Variants in LMCD1 observed in about 807,000 individuals in gnomAD.
LMCD1 encodes the protein LIM and cysteine-rich domains protein 1.
In LMCD1, 32 loss-of-function variants were observed where a neutral mutation model predicts 42.7. The ratio of observed to expected loss-of-function variants is 0.75; its 90% CI spans 0.57 to 1.01. The LOEUF is 1.01. Among genes scored for constraint, LMCD1 ranks in the 50% least tolerant of loss-of-function variants. LMCD1 has a pLI of 0.00. For synonymous variants in LMCD1, 178 were observed against 184.9 expected (o/e 0.96, Z 0.30); for missense variants, 458 against 483.1 (o/e 0.95, Z 0.49).
intron 4 of LMCD1, among the ~76,000 whole-genome samples, chr3:8,555,555 T>C (rs1277348097): frequency 6.6e-6 from 1 of 152,166 alleles, no homozygotes; most frequent in Non-Finnish European, 1.5e-5. Context: ...TCACTATGGT[T>C]ACCAGCTTCT....
At chr3:8,517,336 C>T (rs1694119337) in intron 1 of LMCD1, among the ~76,000 whole-genome samples, 1 of 152,174 alleles carries the variant, frequency 6.6e-6, no homozygotes, top group African/African-American at 2.4e-5. Context: ...ATAACAATTT[C>T]AGGTTAAGGC....
intron 1 of LMCD1, among the ~76,000 whole-genome samples, chr3:8,531,432 G>C (rs1334426184): frequency 6.6e-6 from 1 of 152,056 alleles, no homozygotes; most frequent in African/African-American, 2.4e-5. Context: ...TCTAAAATCT[G>C]TGGCAAAATA....
At chr3:8,540,926 G>C (rs900045425) in intron 3 of LMCD1, among the ~76,000 whole-genome samples, 5 of 152,160 alleles carry the variant, frequency 3.3e-5, no homozygotes, top group African/African-American at 1.2e-4. Context: ...TTATCAGTCA[G>C]AGTACTGTTT....
rs375410779 is a variant in LMCD1, at chr3:8,507,145, A to G, written c.42+5165A>G. ...TTTTGCAGGACTCCTTCAAGAGCAC[A>G]ACATTTCCTTAAATCCACGTGGAAC... On this transcript the variant is annotated intron_variant, in intron 1 of 5. Coordinates refer to ENST00000157600, the MANE Select transcript of LMCD1 (RefSeq NM_014583.4). 3.0e-4 allele frequency among the ~76,000 whole-genome samples: 46 copies of G among 152,334 alleles called. 1 individual carries two copies. In the East Asian group the frequency reaches 7.1e-3, roughly 24 times the overall value.
chr3:8,512,539 G>C (rs962947675), intron 1 of LMCD1, among the ~76,000 whole-genome samples: 1 of 152,176 alleles, frequency 6.6e-6, no homozygotes, highest in Non-Finnish European at 1.5e-5. Context: ...AAAGGGCAAG[G>C]TTTGATGGAA....
chr3:8,535,944 C>G (rs1169982432), intron 2 of LMCD1, among the ~76,000 whole-genome samples: 1 of 152,224 alleles, frequency 6.6e-6, no homozygotes, highest in Admixed American at 6.5e-5. Context: ...TCCTCTACCC[C>G]ACTGGGACAA....
intron 1 of LMCD1, among the ~76,000 whole-genome samples, chr3:8,525,412 GT>G (rs1694281510): frequency 6.6e-6 from 1 of 152,082 alleles, no homozygotes; most frequent in South Asian, 2.1e-4. Context: ...GTGTGTGTGT[GT>G]TTGTGTGTGT....
At chr3:8,554,442 G>A (rs191954402) in intron 4 of LMCD1, among the ~76,000 whole-genome samples, 108 of 152,274 alleles carry the variant, frequency 7.1e-4, no homozygotes, top group African/African-American at 2.2e-3. Flanking sequence ...CGTGTATGGG[G>A]TAGCTTGCAG....
intron 1 of LMCD1, among the ~76,000 whole-genome samples, chr3:8,508,230 A>C (rs1693920945): frequency 6.6e-6 from 1 of 152,200 alleles, no homozygotes; most frequent in Non-Finnish European, 1.5e-5. Flanking sequence ...CCTGGGGATA[A>C]GGTTGGCCTT....
chr3:8,531,376 A>C (rs976635887), intron 1 of LMCD1, among the ~76,000 whole-genome samples: 4 of 152,218 alleles, frequency 2.6e-5, no homozygotes, highest in Non-Finnish European at 5.9e-5. Flanking sequence ...CTGCTCTAAT[A>C]AACTCATATT....
At chr3:8,549,772 T>C in intron 4 of LMCD1, 1 of 701,400 alleles carries the variant, frequency 1.4e-6, no homozygotes, top group East Asian at 2.7e-5. Context: ...GGTGAGGGAC[T>C]TCTTCCTGGT....
intron 3 of LMCD1, among the ~76,000 whole-genome samples, chr3:8,544,154 T>A (rs1360035223): frequency 6.6e-6 from 1 of 152,140 alleles, no homozygotes; most frequent in African/African-American, 2.4e-5. Flanking sequence ...TCTCTCTTGG[T>A]TATGGTGACC....
rs1694785923 is a variant in LMCD1, at chr3:8,548,790, C to A, written c.610C>A (p.Gln204Lys). ...LGVGEVALPG[Q>K]GGLPKEEGKQ... ...CGTGGGAGAAGTGGCCCTCCCGGGG[C>A]AGGGTGGCTTGCCCAAGGAGGAGGG... The change falls in exon 4 of 6, where the codon CAG becomes AAG. Residue 204 changes from glutamine to lysine, a missense_variant. Coordinates refer to ENST00000157600, the MANE Select transcript of LMCD1 (RefSeq NM_014583.4). 2 of 1,610,560 alleles carry A rather than the reference C, an allele frequency of 1.2e-6. No homozygotes were observed. Among genetic ancestry groups the A allele is most frequent in the East Asian group, 4.5e-5 (2 of 44,792 alleles).
Position 8,542,610 on chromosome 3 carries a change from C to T in LMCD1, c.387+5170C>T, listed in dbSNP as rs938236690. On this transcript the variant is annotated intron_variant, in intron 3 of 5. Coordinates refer to ENST00000157600, the MANE Select transcript of LMCD1 (RefSeq NM_014583.4). The stretch of plus-strand genomic sequence containing the variant: ...CTGTTACCACTTGATGCTTACCCAG[C>T]CCGCTCACTCTGAAATGATGACAAA... Among the ~76,000 whole-genome samples, 5 of 152,330 alleles carry T rather than the reference C, an allele frequency of 3.3e-5. No homozygotes were observed. In the South Asian group the frequency reaches 8.3e-4, roughly 25 times the overall value.
intron 1 of LMCD1, among the ~76,000 whole-genome samples, chr3:8,510,733 A>G (rs1047871624): frequency 6.6e-6 from 1 of 152,220 alleles, no homozygotes; most frequent in Non-Finnish European, 1.5e-5. Context: ...TCATTAACTT[A>G]GTAAAGGCAC....
At chr3:8,525,703 A>C (rs1694286129) in intron 1 of LMCD1, among the ~76,000 whole-genome samples, 1 of 152,188 alleles carries the variant, frequency 6.6e-6, no homozygotes, top group Non-Finnish European at 1.5e-5. Context: ...AAGGTCCAGG[A>C]AGGGAGATTA....
chr3:8,527,610 C>A (rs567495490), intron 1 of LMCD1, among the ~76,000 whole-genome samples: 2 of 152,256 alleles, frequency 1.3e-5, no homozygotes, highest in African/African-American at 4.8e-5. Context: ...TTTTAAATAA[C>A]AAGTCATGTT....
At chr3:8,512,040 C>T (rs1004953922) in intron 1 of LMCD1, among the ~76,000 whole-genome samples, 13 of 152,328 alleles carry the variant, frequency 8.5e-5, no homozygotes, top group South Asian at 2.1e-4. Context: ...CACACATATA[C>T]GTCCGTGAGA....
chr3:8,524,140 G>A (rs939876897), intron 1 of LMCD1, among the ~76,000 whole-genome samples: 21 of 150,678 alleles, frequency 1.4e-4, no homozygotes, highest in African/African-American at 4.6e-4. Flanking sequence ...ATTCTTAAGT[G>A]GGAAAGTGAA....
Sources: gnomAD v4.1 joint callset for allele counts (sites outside exome capture counted in the v4.1 genomes callset) on GRCh38, gnomAD v4.1.1 for gene constraint, MANE v1.5 for transcripts, NCBI Gene and HGNC (gene_info 2026-07-23, HGNC 2026-07-21) for gene names.